Variants in PLCL1 observed in about 807,000 individuals in gnomAD.
PLCL1 encodes the protein phospholipase C like 1 (inactive), also known as inactive phospholipase C-like protein 1.
Under a neutral mutation model 84.4 loss-of-function variants are expected in PLCL1, and 41 were observed. The observed-to-expected ratio is 0.49, with a 90% confidence interval of 0.38 to 0.63. The LOEUF is 0.63. Among genes scored for constraint, PLCL1 ranks in the 30% least tolerant of loss-of-function variants. PLCL1 has a pLI of 0.00. For synonymous variants in PLCL1, 490 were observed against 488.3 expected, an observed-to-expected ratio of 1.00 and a Z score of -0.05; for missense variants, 1,206 against 1,367.8, an observed-to-expected ratio of 0.88 and a Z score of 1.87.
At chr2:198,037,930 A>G (rs1691583561) in intron 1 of PLCL1, among the ~76,000 whole-genome samples, 1 of 152,222 alleles carries the variant, frequency 6.6e-6, no homozygotes, top group South Asian at 2.1e-4. Context: ...CTTACTTTGT[A>G]AGTATCTTTT....
chr2:197,903,385 T>C (rs1688305077), intron 1 of PLCL1, among the ~76,000 whole-genome samples: 1 of 150,704 alleles, frequency 6.6e-6, no homozygotes, highest in Non-Finnish European at 1.5e-5. Context: ...CTAAAATAAA[T>C]CTCAGAGGAA....
intron 1 of PLCL1, among the ~76,000 whole-genome samples, chr2:197,927,607 G>T (rs1688855319): frequency 6.6e-6 from 1 of 152,044 alleles, no homozygotes; most frequent in Non-Finnish European, 1.5e-5. Flanking sequence ...CAACTCACAG[G>T]GCATTTTTAC....
In PLCL1 at chr2:198,147,011, T is replaced by G. The variant is rs1159981282; in HGVS notation, c.*49T>G. ...ACCCATCTTATCAAGGACTCTGGTTTCTCATTCTTGTTTTCTTTCTTTAAA... is the reference window on the plus strand; with the variant it reads ...ACCCATCTTATCAAGGACTCTGGTTGCTCATTCTTGTTTTCTTTCTTTAAA... On this transcript the variant is annotated 3_prime_UTR_variant, in exon 6 of 6. Transcript: ENST00000428675. The G allele has an allele frequency of 6.9e-7, 1 of 1,449,454 alleles. No individual in the cohort carries two copies. Among genetic ancestry groups the G allele is most frequent in the African/African-American group, 1.4e-5 (1 of 70,530 alleles). 89.8% of individuals were successfully genotyped at this position (1,449,454 alleles called of 1,614,324 possible).
chr2:197,975,926 G>C (rs1366680931), intron 1 of PLCL1, among the ~76,000 whole-genome samples: 1 of 152,010 alleles, frequency 6.6e-6, no homozygotes, highest in African/African-American at 2.4e-5. Context: ...AAATATTTCA[G>C]CCCCATCCTC....
chr2:198,044,774 A>G (rs1181808099), intron 1 of PLCL1, among the ~76,000 whole-genome samples: 1 of 152,102 alleles, frequency 6.6e-6, no homozygotes, highest in Non-Finnish European at 1.5e-5. Context: ...CTCTTCACCT[A>G]TTTTTGGGTG....
chr2:198,085,947 G>A lies in PLCL1; in HGVS notation c.2430G>A (p.Gly810=), dbSNP rs1177385476. ...DDDYIGDEFI[G]QYTIPFECLQ... is the part of the protein sequence containing the mutation. The stretch of plus-strand genomic sequence containing the variant: ...ACTACATTGGGGATGAGTTTATAGG[G>A]CAATATACGATACCATTTGAATGTT... Residue 810 remains glycine, a synonymous_variant, in exon 2 of 6, where the codon GGG becomes GGA. Coordinates refer to ENST00000428675, the MANE Select transcript of PLCL1 (RefSeq NM_006226.4). This position sits in a 1 kb window ranked among gnomAD's most constrained non-coding sequence, Gnocchi z 5.3. The A allele has an allele frequency of 6.2e-7, 1 of 1,614,064 alleles. No homozygotes were observed. The highest frequency in any genetic ancestry group is 2.2e-5 in the East Asian group (1 of 44,882).
At chr2:197,868,932 A>C (rs1687596547) in intron 1 of PLCL1, among the ~76,000 whole-genome samples, 1 of 152,168 alleles carries the variant, frequency 6.6e-6, no homozygotes, top group South Asian at 2.1e-4. Context: ...ATACTTTATT[A>C]ATACCTAAAT....
chr2:198,083,646 C>G (rs184208765), intron 1 of PLCL1, 112 bp from the exon 2 acceptor site: 19 of 659,216 alleles, frequency 2.9e-5, no homozygotes, highest in African/African-American at 9.1e-5. Flanking sequence ...AGGGTAGCCT[C>G]TGTTCAAATA....
chr2:198,062,777 C>G (rs1274256280), intron 1 of PLCL1, among the ~76,000 whole-genome samples: 1 of 152,168 alleles, frequency 6.6e-6, no homozygotes, highest in Non-Finnish European at 1.5e-5. Context: ...CTTTAACCTA[C>G]TGAATCAGAT....
intron 1 of PLCL1, among the ~76,000 whole-genome samples, chr2:198,020,221 A>G (rs1175710952): frequency 2.0e-5 from 3 of 152,212 alleles, no homozygotes; most frequent in African/African-American, 7.2e-5. Context: ...CCTGACTTAC[A>G]AGAGCTCCTG....
At chr2:197,834,432 CAA>C (rs1691137445) in intron 1 of PLCL1, among the ~76,000 whole-genome samples, 1 of 152,092 alleles carries the variant, frequency 6.6e-6, no homozygotes, top group Non-Finnish European at 1.5e-5. Context: ...CCAGAATCTA[CAA>C]AGAGCTTAAA....
At chr2:197,999,631 T>G (rs929134307) in intron 1 of PLCL1, among the ~76,000 whole-genome samples, 3 of 152,204 alleles carry the variant, frequency 2.0e-5, no homozygotes, top group Non-Finnish European at 4.4e-5. Context: ...ATAGATTAGA[T>G]GTATAGGGCG....
intron 1 of PLCL1, among the ~76,000 whole-genome samples, chr2:197,966,625 A>T (rs936692589): frequency 1.3e-5 from 2 of 152,252 alleles, no homozygotes; most frequent in East Asian, 3.9e-4. Context: ...GGGATGGGGA[A>T]GGGATGGCAC....
chr2:197,965,893 T>C (rs1416702631), intron 1 of PLCL1, among the ~76,000 whole-genome samples: 2 of 152,108 alleles, frequency 1.3e-5, no homozygotes, highest in Non-Finnish European at 2.9e-5. Flanking sequence ...TCTAGTTTTA[T>C]TCCACTGTGG....
chr2:197,900,357 C>G (rs1171253899), intron 1 of PLCL1, among the ~76,000 whole-genome samples: 1 of 152,152 alleles, frequency 6.6e-6, no homozygotes, highest in African/African-American at 2.4e-5. Context: ...TGATTGTTTT[C>G]ATAAGAGGAG....
intron 3 of PLCL1, among the ~76,000 whole-genome samples, chr2:198,100,716 A>G (rs2105911565): frequency 6.6e-6 from 1 of 152,168 alleles, no homozygotes; most frequent in Admixed American, 6.5e-5. Context: ...ACCAGAACCT[A>G]CTGGTAGCTG....
intron 1 of PLCL1, among the ~76,000 whole-genome samples, chr2:197,848,736 A>G (rs1687166152): frequency 6.6e-6 from 1 of 152,212 alleles, no homozygotes; most frequent in African/African-American, 2.4e-5. Context: ...GGCAAGAAGG[A>G]CAATCAAACC....
rs1039095914 is a variant in PLCL1 at position 198,149,840 on chromosome 2, C to T, written c.*2878C>T. On this transcript the variant is annotated 3_prime_UTR_variant, in exon 6 of 6. Coordinates refer to ENST00000428675, the MANE Select transcript of PLCL1 (RefSeq NM_006226.4). The stretch of plus-strand genomic sequence containing the variant: ...ATATGTTATGGATATCTTTCTGTGT[C>T]AATAAATGTGTATTTACATTAGAGT... 4 of 152,044 alleles carry T rather than the reference C, an allele frequency of 2.6e-5. No individual in the cohort carries two copies. The East Asian group carries it at 7.7e-4, about 29-fold the overall frequency. The allele number at this position is 152,044 out of a possible 1,614,324, so 9.4% of individuals were successfully genotyped here. A position where few individuals can be genotyped will look rare whatever the true frequency, so the allele number is the denominator to read the frequency against.
chr2:198,100,532 G>A (rs190001878), intron 3 of PLCL1, among the ~76,000 whole-genome samples: 11 of 152,214 alleles, frequency 7.2e-5, no homozygotes, highest in South Asian at 2.1e-4. Flanking sequence ...TTAGAGAAGC[G>A]TGATTCATCC....
Sources: gnomAD v4.1 joint callset for allele counts (sites outside exome capture counted in the v4.1 genomes callset) on GRCh38, gnomAD v4.1.1 for gene constraint, Gnocchi (gnomAD v3.1) non-coding constraint, MANE v1.5 for transcripts, NCBI Gene and HGNC (gene_info 2026-07-23, HGNC 2026-07-21) for gene names.